The following TCF4 variants were observed in gnomAD, a reference collection of about 807,000 sequenced individuals.
TCF4 encodes SL3-3 enhancer factor 2.
A neutral mutation model predicts 82.1 loss-of-function variants in TCF4; 3 were observed. The ratio of observed to expected loss-of-function variants is 0.04; its 90% CI spans 0.02 to 0.09. The LOEUF is 0.09. Among genes scored for constraint, TCF4 ranks in the 10% least tolerant of loss-of-function variants. The probability of loss-of-function intolerance (pLI) is 1.00; values close to 1 mark genes in which losing one functional copy is unlikely to be tolerated. For missense variants in TCF4, 518 were observed against 852.7 expected, an observed-to-expected ratio of 0.61 and a Z score of 4.89; for synonymous variants, 276 against 309.6, an observed-to-expected ratio of 0.89 and a Z score of 1.14.
intron 3 of TCF4, among the ~76,000 whole-genome samples, chr18:55,527,470 T>C (rs1428939165): frequency 6.6e-6 from 1 of 152,164 alleles, no homozygotes; most frequent in Non-Finnish European, 1.5e-5. Flanking sequence ...AGACCAAAAA[T>C]TCACATCCCT....
intron 5 of TCF4, among the ~76,000 whole-genome samples, chr18:55,441,427 A>G (rs1352197511): frequency 6.6e-6 from 1 of 152,206 alleles, no homozygotes; most frequent in East Asian, 1.9e-4. Flanking sequence ...TCTTTAACAT[A>G]CGCAGATAAA....
At chr18:55,277,395 A>AC (rs1472019617) in intron 9 of TCF4, among the ~76,000 whole-genome samples, 4 of 152,192 alleles carry the variant, frequency 2.6e-5, no homozygotes, top group Non-Finnish European at 5.9e-5. Flanking sequence ...ACAATGTGAT[A>AC]CCCTGGGTGG....
chr18:55,362,389 G>GGAAA (rs1477845093), intron 6 of TCF4, among the ~76,000 whole-genome samples: 1 of 87,844 alleles, frequency 1.1e-5, no homozygotes, highest in Admixed American at 1.2e-4. Flanking sequence ...AAGGAAGGAA[G>GGAAA]GAAAGAAGGA....
At chr18:55,371,932 G>T (rs2145599787) in intron 6 of TCF4, among the ~76,000 whole-genome samples, 1 of 152,208 alleles carries the variant, frequency 6.6e-6, no homozygotes, top group African/African-American at 2.4e-5. Flanking sequence ...GATTAATGGA[G>T]AAATAAATGA....
At chr18:55,360,506 T>G (rs1001914960) in intron 6 of TCF4, among the ~76,000 whole-genome samples, 2 of 152,172 alleles carry the variant, frequency 1.3e-5, no homozygotes, top group African/African-American at 4.8e-5. Context: ...CTTCTAACAC[T>G]GAGGTCACCA....
Position 55,227,852 on chromosome 18 carries a change from T to G in TCF4, c.*183A>C. On this transcript the variant is annotated 3_prime_UTR_variant, in exon 20 of 20. Coordinates refer to ENST00000354452, the MANE Select transcript of TCF4 (RefSeq NM_001083962.2). ...CACTTTTTTCTTTCTTTTTTTTGTT[T>G]TTCTGTTTTTTGATAATTGGGAATG... 1 of 236,950 alleles carries G rather than the reference T, an allele frequency of 4.2e-6. No individual in the cohort carries two copies. Among genetic ancestry groups the G allele is most frequent in the Non-Finnish European group, 8.4e-6 (1 of 119,352 alleles). The allele number at this position is 236,950 out of a possible 1,614,324, so 14.7% of individuals were successfully genotyped here.
At chr18:55,313,286 G>A (rs1482619441) in intron 8 of TCF4, among the ~76,000 whole-genome samples, 2 of 152,034 alleles carry the variant, frequency 1.3e-5, no homozygotes, top group Admixed American at 6.6e-5. Context: ...TTGTGAAGCC[G>A]GGGGGAGATT....
At chr18:55,366,944 G>T (rs751860879) in intron 6 of TCF4, among the ~76,000 whole-genome samples, 3 of 151,912 alleles carry the variant, frequency 2.0e-5, no homozygotes, top group Admixed American at 6.6e-5. Context: ...AACAATTTTG[G>T]TTGTTCTGAT....
chr18:55,418,402 G>T (rs532947996), intron 5 of TCF4, among the ~76,000 whole-genome samples: 1 of 152,104 alleles, frequency 6.6e-6, no homozygotes, highest in South Asian at 2.1e-4. Context: ...CATTATATTT[G>T]CATCTCCCTT....
intron 6 of TCF4, among the ~76,000 whole-genome samples, chr18:55,402,613 A>C (rs1000530156): frequency 6.6e-6 from 1 of 152,096 alleles, no homozygotes. Context: ...CAATGCACTT[A>C]TAAAAAGGAA....
intron 8 of TCF4, among the ~76,000 whole-genome samples, chr18:55,293,930 A>AATTTTTTTTT (rs1568769774): frequency 2.2e-4 from 5 of 22,668 alleles, no homozygotes; most frequent in Admixed American, 2.1e-3. Context: ...CTTTCCAAGG[A>AATTTTTTTTT]CTTTTTTTTT....
At chr18:55,510,702 A>G in intron 3 of TCF4, 1 of 1,439,164 alleles carries the variant, frequency 6.9e-7, no homozygotes, top group Non-Finnish European at 9.1e-7. Context: ...CCACTTTAAA[A>G]GGCCTTTCTT....
chr18:55,346,136 T>C (rs548231823), intron 8 of TCF4, among the ~76,000 whole-genome samples: 24 of 152,300 alleles, frequency 1.6e-4, no homozygotes, highest in Non-Finnish European at 2.9e-4. Flanking sequence ...TTTAAGGCCA[T>C]TAGCATTACT....
intron 3 of TCF4, chr18:55,510,885 A>T (rs1393600302): frequency 1.6e-6 from 1 of 612,566 alleles, no homozygotes; most frequent in Non-Finnish European, 2.1e-6. Flanking sequence ...CTTTTCTGAA[A>T]CAAAAATAAA....
chr18:55,401,065 T>C, intron 6 of TCF4: 2 of 1,289,084 alleles, frequency 1.6e-6, no homozygotes, highest in Non-Finnish European at 2.0e-6. Context: ...CCCAAGATAC[T>C]GAGATTTTGC....
intron 8 of TCF4, among the ~76,000 whole-genome samples, chr18:55,334,481 C>T (rs2078229466): frequency 6.6e-6 from 1 of 152,034 alleles, no homozygotes; most frequent in Admixed American, 6.6e-5. Flanking sequence ...GCATTAAAAA[C>T]TCTGAGCTAA....
intron 5 of TCF4, among the ~76,000 whole-genome samples, chr18:55,416,585 C>CAT (rs1490651483): frequency 6.6e-6 from 1 of 152,210 alleles, no homozygotes; most frequent in Admixed American, 6.5e-5. Context: ...TTTTAGCATC[C>CAT]TTCATAAACT....
chr18:55,292,777 T>C (rs964465968), intron 8 of TCF4, among the ~76,000 whole-genome samples: 1 of 152,072 alleles, frequency 6.6e-6, no homozygotes, highest in Non-Finnish European at 1.5e-5. Context: ...TATGTATACA[T>C]GTACATATAT....
chr18:55,563,355 T>C (rs959318610), intron 3 of TCF4, among the ~76,000 whole-genome samples: 1 of 152,178 alleles, frequency 6.6e-6, no homozygotes, highest in Non-Finnish European at 1.5e-5. Context: ...TAATCACTGA[T>C]TGTTTAATTT....
Sources: allele counts gnomAD v4.1 joint callset (sites outside exome capture counted in the v4.1 genomes callset), GRCh38; gene constraint gnomAD v4.1.1; transcripts MANE v1.5; gene names NCBI Gene and HGNC (gene_info 2026-07-23, HGNC 2026-07-21).